Variants in CERT1 observed in about 807,000 individuals in gnomAD.
CERT1 encodes the protein ceramide transporter 1.
CERT1 carries 31 observed loss-of-function variants against 87.9 expected under a neutral mutation model. The ratio of observed to expected loss-of-function variants is 0.35; its 90% CI spans 0.27 to 0.48. The LOEUF (loss-of-function observed/expected upper bound fraction) is 0.48. CERT1 is among the 20% of genes least tolerant of loss of function. The probability of loss-of-function intolerance (pLI) is 0.99; values close to 1 mark genes in which losing one functional copy is unlikely to be tolerated. For missense variants in CERT1, 487 were observed against 758.0 expected, an observed-to-expected ratio of 0.64 and a Z score of 4.20; for synonymous variants, 289 against 250.9, an observed-to-expected ratio of 1.15 and a Z score of -1.44.
At chr5:75,407,284 T>G (rs1473550212) in intron 8 of CERT1, among the ~76,000 whole-genome samples, 1 of 151,992 alleles carries the variant, frequency 6.6e-6, no homozygotes. Flanking sequence ...ATTAATATAT[T>G]TAGAAGAGAC....
intron 2 of CERT1, among the ~76,000 whole-genome samples, chr5:75,464,747 T>C (rs1192688371): frequency 2.0e-5 from 3 of 152,100 alleles, no homozygotes; most frequent in Non-Finnish European, 4.4e-5. Context: ...GGATAATTTT[T>C]GTATTTTTTG....
chr5:75,419,054 C>T lies in CERT1; in HGVS notation c.679+287G>A, dbSNP rs574757503. ...AACTGAGAATCCAGAAATAAACCCT[C>T]GCATTTACAGTCTATCAGATTTTCA... On this transcript the variant is annotated intron_variant, in intron 6 of 16. Transcript: ENST00000643780. 7.2e-5 allele frequency among the ~76,000 whole-genome samples: 11 copies of T among 152,254 alleles called. No homozygotes were observed. The East Asian group carries it at 7.7e-4, about 11-fold the overall frequency.
chr5:75,467,073 C>T (rs73764909), intron 2 of CERT1, among the ~76,000 whole-genome samples: 11,887 of 152,122 alleles, frequency 0.078, 560 homozygotes, highest in South Asian at 0.17. Context: ...ACCCAAATGT[C>T]CTTCAATTGG....
chr5:75,492,320 A>G (rs922372246), intron 2 of CERT1, among the ~76,000 whole-genome samples: 3 of 152,174 alleles, frequency 2.0e-5, no homozygotes, highest in Non-Finnish European at 4.4e-5. Flanking sequence ...CCATGATTGC[A>G]TCACTGCATT....
chr5:75,488,783 T>C (rs552920215), intron 2 of CERT1, among the ~76,000 whole-genome samples: 63 of 152,318 alleles, frequency 4.1e-4, no homozygotes, highest in African/African-American at 1.4e-3. Context: ...AGTTTTACTG[T>C]TCACAGTTTA....
chr5:75,493,990 A>T (rs1766935792), intron 2 of CERT1, among the ~76,000 whole-genome samples: 1 of 152,096 alleles, frequency 6.6e-6, no homozygotes, highest in Admixed American at 6.5e-5. Flanking sequence ...TAGTATACTT[A>T]CTTTTTCATG....
intron 3 of CERT1, among the ~76,000 whole-genome samples, chr5:75,446,472 C>A (rs552517637): frequency 6.6e-6 from 1 of 152,088 alleles, no homozygotes; most frequent in Non-Finnish European, 1.5e-5. Context: ...AGTCTTTTGT[C>A]TAGTAGATCA....
At chr5:75,438,058 G>A (rs1217356048) in intron 3 of CERT1, among the ~76,000 whole-genome samples, 1 of 151,924 alleles carries the variant, frequency 6.6e-6, no homozygotes, top group Non-Finnish European at 1.5e-5. Flanking sequence ...ACACAAAATA[G>A]AGCTATTTCA....
At chr5:75,510,943 A>G (rs1196022416) in intron 1 of CERT1, among the ~76,000 whole-genome samples, 169 bp downstream of exon 1, 3 of 152,034 alleles carry the variant, frequency 2.0e-5, no homozygotes, top group Non-Finnish European at 4.4e-5. Context: ...CCCGGGCAAC[A>G]AGGACAGTGC....
chr5:75,422,856 TG>T (rs1339423017), intron 5 of CERT1, among the ~76,000 whole-genome samples: 1 of 152,116 alleles, frequency 6.6e-6, no homozygotes, highest in Non-Finnish European at 1.5e-5. Flanking sequence ...AGAAGAAATT[TG>T]GACACAGACA....
At chr5:75,370,389 G>C (rs1381544892) in intron 17 of CERT1, 1 of 152,144 alleles carries the variant, frequency 6.6e-6, no homozygotes, top group African/African-American at 2.4e-5. Context: ...TTAAATAAAT[G>C]AGATTATTTA....
intron 2 of CERT1, among the ~76,000 whole-genome samples, chr5:75,493,401 T>C (rs1766896417): frequency 6.6e-6 from 1 of 152,260 alleles, no homozygotes; most frequent in Non-Finnish European, 1.5e-5. Flanking sequence ...TATTTTAAAA[T>C]GCTTTTAGTC....
chr5:75,441,485 G>T (rs1224566465), intron 3 of CERT1, among the ~76,000 whole-genome samples: 1 of 152,146 alleles, frequency 6.6e-6, no homozygotes, highest in East Asian at 1.9e-4. Flanking sequence ...TTCAGTAGTG[G>T]TAAGTATATC....
chr5:75,370,254 T>C (rs1182005784), intron 17 of CERT1: 1 of 152,244 alleles, frequency 6.6e-6, no homozygotes, highest in Non-Finnish European at 1.5e-5. Context: ...GAGAGAAATA[T>C]GCTCAGTGCC....
intron 9 of CERT1, chr5:75,402,466 G>A (rs1322912221): frequency 6.6e-6 from 1 of 152,060 alleles, no homozygotes; most frequent in African/African-American, 2.4e-5. Flanking sequence ...TCTTTCTATT[G>A]CTTGGAAATT....
intron 3 of CERT1, among the ~76,000 whole-genome samples, chr5:75,446,326 T>C (rs538572434): frequency 1.3e-5 from 2 of 152,196 alleles, no homozygotes; most frequent in Non-Finnish European, 2.9e-5. Context: ...AGTTTCTAGC[T>C]CCATAATTTC....
In CERT1 at chr5:75,408,921, T is replaced by C. The variant is rs557081265; in HGVS notation, c.930+2090A>G. On this transcript the variant is annotated intron_variant, in intron 8 of 16. Coordinates refer to ENST00000643780, the MANE Select transcript of CERT1 (RefSeq NM_001379029.1). ...CCCTCTTCCCTCCACCCCTGTCCTCTACCCCTAGGAAAAAAAAAACAAAAC... is the reference window on the plus strand; with the variant it reads ...CCCTCTTCCCTCCACCCCTGTCCTCCACCCCTAGGAAAAAAAAAACAAAAC... 6.6e-5 allele frequency among the ~76,000 whole-genome samples: 10 copies of C among 152,018 alleles called. No homozygotes were observed. The East Asian group carries it at 1.2e-3, about 18-fold the overall frequency.
intron 3 of CERT1, among the ~76,000 whole-genome samples, chr5:75,454,026 C>G (rs1764867573): frequency 6.6e-6 from 1 of 152,154 alleles, no homozygotes. Flanking sequence ...GGCATCAGAA[C>G]AGAAAAATAC....
At chr5:75,439,793 C>A in intron 3 of CERT1, among the ~76,000 whole-genome samples, 1 of 152,010 alleles carries the variant, frequency 6.6e-6, no homozygotes, top group South Asian at 2.1e-4. Flanking sequence ...ATTTAAAATA[C>A]GCAATGGGAA....
Sources: gnomAD v4.1 joint callset for allele counts (sites outside exome capture counted in the v4.1 genomes callset) on GRCh38, gnomAD v4.1.1 for gene constraint, MANE v1.5 for transcripts, NCBI Gene and HGNC (gene_info 2026-07-23, HGNC 2026-07-21) for gene names.